Variants in MARCHF4 observed in about 807,000 individuals in gnomAD.
MARCHF4 encodes membrane associated ring-CH-type finger 4, also known as E3 ubiquitin-protein ligase MARCHF4.
MARCHF4 carries 14 observed loss-of-function variants against 43.9 expected under a neutral mutation model. That is an observed-to-expected ratio of 0.32 (90% confidence interval 0.21 to 0.50). The LOEUF (loss-of-function observed/expected upper bound fraction) is 0.50, where lower values mean the gene tolerates loss of function less well. Ranked by LOEUF, MARCHF4 falls within the 20% of genes least tolerant of loss-of-function variation. The pLI is 0.98. For synonymous variants in MARCHF4, 226 were observed against 213.3 expected (o/e 1.06, Z -0.52); for missense variants, 468 against 536.7 (o/e 0.87, Z 1.27).
chr2:216,322,338 G>T (rs1231931372), intron 1 of MARCHF4, among the ~76,000 whole-genome samples: 2 of 152,244 alleles, frequency 1.3e-5, no homozygotes, highest in East Asian at 3.8e-4. Flanking sequence ...CAGAGAATTT[G>T]AAGGCTGGCT....
intron 1 of MARCHF4, among the ~76,000 whole-genome samples, chr2:216,317,450 G>T (rs1029260831): frequency 6.6e-6 from 1 of 151,988 alleles, no homozygotes; most frequent in African/African-American, 2.4e-5. Flanking sequence ...GTCTCACTCT[G>T]TCGCCCAGGC....
At chr2:216,308,095 A>T (rs1450226624) in intron 1 of MARCHF4, among the ~76,000 whole-genome samples, 3 of 151,944 alleles carry the variant, frequency 2.0e-5, no homozygotes, top group African/African-American at 7.3e-5. Context: ...AGTTGGAGAA[A>T]ATATGTGTTT....
At chr2:216,302,928 A>G (rs1263814100) in intron 1 of MARCHF4, among the ~76,000 whole-genome samples, 2 of 150,402 alleles carry the variant, frequency 1.3e-5, no homozygotes, top group Non-Finnish European at 3.0e-5. Context: ...AAAAAAGAAA[A>G]TGGCATTTTG....
chr2:216,337,795 T>C (rs1208671028), intron 1 of MARCHF4, among the ~76,000 whole-genome samples: 1 of 152,176 alleles, frequency 6.6e-6, no homozygotes, highest in Non-Finnish European at 1.5e-5. Flanking sequence ...CAGCATTGCT[T>C]GGAGACTGTT....
intron 1 of MARCHF4, among the ~76,000 whole-genome samples, chr2:216,288,767 A>G (rs1691259301): frequency 6.6e-6 from 1 of 152,234 alleles, no homozygotes; most frequent in Admixed American, 6.5e-5. Flanking sequence ...TATTCCGCTC[A>G]CTGCAGTGGG....
Position 216,283,575 on chromosome 2 carries a change from T to A in MARCHF4, c.671A>T (p.Gln224Leu), listed in dbSNP as rs752431482. The A allele has an allele frequency of 5.6e-6, 9 of 1,598,560 alleles. No individual in the cohort carries two copies. Among genetic ancestry groups the A allele is most frequent in the Non-Finnish European group, 7.7e-6 (9 of 1,167,358 alleles). The change falls in exon 2 of 4, where the codon CAG becomes CTG. Residue 224 changes from glutamine (Q) to leucine (L), a missense_variant and splice_region_variant. Physicochemically the swap from Gln to Leu is moderately radical, Grantham distance 113. Around this residue, in one of 3 missense-constraint regions of MARCHF4, gnomAD observed 158 missense variants for 251.1 expected, o/e 0.63. Transcript: ENST00000273067. ...VIAISTKNPL[Q>L]WQAISLTVIE... ...CCACCAGGCAGCCCTGGGTTGTACCTGCAGAGGATTTTTTGTGCTTATGGC... is the reference window on the plus strand; with the variant it reads ...CCACCAGGCAGCCCTGGGTTGTACCAGCAGAGGATTTTTTGTGCTTATGGC...
At chr2:216,263,718 G>A (rs932292527) in intron 3 of MARCHF4, among the ~76,000 whole-genome samples, 2 of 152,158 alleles carry the variant, frequency 1.3e-5, no homozygotes, top group African/African-American at 4.8e-5. Context: ...TGTGTGTGGG[G>A]GAAAGAACAG....
intron 1 of MARCHF4, among the ~76,000 whole-genome samples, chr2:216,323,765 C>T (rs185794884): frequency 1.1e-4 from 16 of 152,090 alleles, no homozygotes; most frequent in African/African-American, 3.1e-4. Context: ...TTGAAACCAA[C>T]GAGAACAAAG....
intron 2 of MARCHF4, among the ~76,000 whole-genome samples, chr2:216,279,129 C>T (rs1691081939): frequency 6.6e-6 from 1 of 152,090 alleles, no homozygotes; most frequent in Non-Finnish European, 1.5e-5. Flanking sequence ...CAGTGAGAGC[C>T]GGTGATAGGG....
intron 3 of MARCHF4, chr2:216,265,964 G>C (rs1438192783): frequency 6.6e-6 from 1 of 152,310 alleles, no homozygotes; most frequent in East Asian, 1.9e-4. Flanking sequence ...GGACTGCTAG[G>C]CTAGGACATG....
chr2:216,274,051 T>C (rs207821), intron 3 of MARCHF4, among the ~76,000 whole-genome samples: 143,225 of 152,334 alleles, frequency 0.94, 67,443 homozygotes, highest in East Asian at 1. Flanking sequence ...TTAATGGGTG[T>C]TTTATTGGGG....
At chr2:216,324,227 A>C (rs1691951548) in intron 1 of MARCHF4, among the ~76,000 whole-genome samples, 1 of 148,136 alleles carries the variant, frequency 6.8e-6, no homozygotes, top group East Asian at 2.0e-4. Flanking sequence ...GAAATGGATA[A>C]ATTCCTCGAC....
chr2:216,361,621 G>A (rs1692581343), intron 1 of MARCHF4, among the ~76,000 whole-genome samples: 1 of 152,190 alleles, frequency 6.6e-6, no homozygotes, highest in African/African-American at 2.4e-5. Flanking sequence ...TATGTTGGGA[G>A]TGAGGGATCC....
At chr2:216,317,126 C>G (rs1269581942) in intron 1 of MARCHF4, among the ~76,000 whole-genome samples, 3 of 152,194 alleles carry the variant, frequency 2.0e-5, no homozygotes, top group Non-Finnish European at 4.4e-5. Flanking sequence ...CCCCCACCCC[C>G]CAAAGCCATA....
chr2:216,307,960 A>G (rs1186176476), intron 1 of MARCHF4, among the ~76,000 whole-genome samples: 1 of 152,146 alleles, frequency 6.6e-6, no homozygotes, highest in African/African-American at 2.4e-5. Flanking sequence ...GAAGGCTGAC[A>G]TGGGAGGATT....
intron 3 of MARCHF4, among the ~76,000 whole-genome samples, chr2:216,263,332 CA>C (rs1690773500): frequency 6.6e-6 from 1 of 151,906 alleles, no homozygotes; most frequent in Admixed American, 6.6e-5. Flanking sequence ...GAGGCTGAGA[CA>C]GGAAAATTGC....
intron 1 of MARCHF4, among the ~76,000 whole-genome samples, chr2:216,329,916 G>T (rs1318017066): frequency 6.6e-6 from 1 of 151,720 alleles, no homozygotes; most frequent in Non-Finnish European, 1.5e-5. Context: ...TGACACCCCT[G>T]TTTCTACAAA....
intron 1 of MARCHF4, among the ~76,000 whole-genome samples, chr2:216,335,714 G>A (rs923626373): frequency 2.3e-4 from 34 of 150,828 alleles, no homozygotes; most frequent in Admixed American, 1.8e-3. Flanking sequence ...AGTACAATGA[G>A]TGCCTTGAAT....
chr2:216,265,955 G>A (rs1346302400), intron 3 of MARCHF4: 5 of 152,328 alleles, frequency 3.3e-5, no homozygotes, highest in Admixed American at 2.6e-4. Context: ...CCTGTGTGTG[G>A]ACTGCTAGGC....
Sources: allele counts gnomAD v4.1 joint callset (sites outside exome capture counted in the v4.1 genomes callset), GRCh38; gene constraint gnomAD v4.1.1; regional missense constraint gnomAD v4.1.1; transcripts MANE v1.5; gene names NCBI Gene and HGNC (gene_info 2026-07-23, HGNC 2026-07-21).